Variants in EGFLAM observed in about 807,000 individuals in gnomAD.
EGFLAM encodes the protein EGF like, fibronectin type III and laminin G domains.
In EGFLAM, 79 loss-of-function variants were observed where a neutral mutation model predicts 113.1. The observed-to-expected ratio is 0.70, with a 90% CI of 0.58 to 0.84. The LOEUF (loss-of-function observed/expected upper bound fraction) is 0.84. Among genes scored for constraint, EGFLAM ranks in the 40% least tolerant of loss-of-function variants. The probability of loss-of-function intolerance (pLI) is 0.00; values close to 1 mark genes in which losing one functional copy is unlikely to be tolerated. For missense variants in EGFLAM, 1,265 were observed against 1,291.6 expected (o/e 0.98, Z 0.32); for synonymous variants, 504 against 487.6 (o/e 1.03, Z -0.44).
chr5:38,324,140 C>T (rs1335295399), intron 1 of EGFLAM, among the ~76,000 whole-genome samples: 1 of 151,630 alleles, frequency 6.6e-6, no homozygotes, highest in Admixed American at 6.6e-5. Flanking sequence ...TGGGTGGTTT[C>T]CCTCTTATGT....
At chr5:38,321,316 C>T (rs139380374) in intron 1 of EGFLAM, among the ~76,000 whole-genome samples, 1 of 152,170 alleles carries the variant, frequency 6.6e-6, no homozygotes, top group African/African-American at 2.4e-5. Flanking sequence ...AGGCGGAACT[C>T]AGGCAGTAAT....
chr5:38,354,467 G>A (rs1036820043), intron 5 of EGFLAM, among the ~76,000 whole-genome samples: 1 of 152,166 alleles, frequency 6.6e-6, no homozygotes, highest in Non-Finnish European at 1.5e-5. Flanking sequence ...GGTGGCTCAC[G>A]CCTGTAATCC....
intron 6 of EGFLAM, among the ~76,000 whole-genome samples, chr5:38,401,567 C>T (rs989718539): frequency 2.2e-4 from 33 of 152,054 alleles, no homozygotes; most frequent in Non-Finnish European, 4.0e-4. Context: ...TGGCAGTTTT[C>T]GGGGTCTTTG....
At chr5:38,298,261 G>A (rs1010498576) in intron 1 of EGFLAM, among the ~76,000 whole-genome samples, 1 of 152,224 alleles carries the variant, frequency 6.6e-6, no homozygotes, top group East Asian at 1.9e-4. Context: ...GGCTTTAATA[G>A]ACTATAATTC....
chr5:38,367,718 C>G (rs1345016961), intron 5 of EGFLAM, among the ~76,000 whole-genome samples: 1 of 152,166 alleles, frequency 6.6e-6, no homozygotes, highest in African/African-American at 2.4e-5. Context: ...AAAAAAGATA[C>G]AGGTGTTTTG....
intron 1 of EGFLAM, among the ~76,000 whole-genome samples, chr5:38,309,684 A>C (rs576849196): frequency 2.0e-5 from 3 of 152,192 alleles, no homozygotes; most frequent in Non-Finnish European, 4.4e-5. Context: ...TTTGTACCGT[A>C]AAGCATACAT....
intron 17 of EGFLAM, among the ~76,000 whole-genome samples, chr5:38,440,767 C>T: frequency 6.6e-6 from 1 of 152,152 alleles, no homozygotes; most frequent in African/African-American, 2.4e-5. Flanking sequence ...TTAAACCAGT[C>T]CTTTTACATG....
chr5:38,308,162 G>C (rs1279758514), intron 1 of EGFLAM, among the ~76,000 whole-genome samples: 1 of 152,194 alleles, frequency 6.6e-6, no homozygotes, highest in Non-Finnish European at 1.5e-5. Context: ...TCTCACAATT[G>C]CTAAATAAAA....
At chr5:38,300,300 C>A (rs946523462) in intron 1 of EGFLAM, among the ~76,000 whole-genome samples, 13 of 152,152 alleles carry the variant, frequency 8.5e-5, no homozygotes, top group Non-Finnish European at 8.8e-5. Flanking sequence ...AAATGAGGAG[C>A]CACTGCTGGT....
chr5:38,455,826 A>G (rs1019342771), intron 19 of EGFLAM, among the ~76,000 whole-genome samples: 2 of 152,166 alleles, frequency 1.3e-5, no homozygotes, highest in Non-Finnish European at 2.9e-5. Context: ...GCAGAACAGA[A>G]GGAAGGGCAC....
At chr5:38,353,591 C>T (rs1739685895) in intron 5 of EGFLAM, among the ~76,000 whole-genome samples, 1 of 152,210 alleles carries the variant, frequency 6.6e-6, no homozygotes, top group African/African-American at 2.4e-5. Flanking sequence ...TGCACAGAAT[C>T]TCTTTAATGC....
Position 38,412,646 on chromosome 5 carries a change from C to A in EGFLAM, c.1492C>A (p.Gln498Lys). 6.2e-7 allele frequency: 1 copy of A among 1,613,778 alleles called. No homozygotes were observed. The highest frequency in any genetic ancestry group is 8.5e-7 in the Non-Finnish European group (1 of 1,179,984). The change falls in exon 11 of 22, where the codon CAG becomes AAG. Residue 498 changes from glutamine to lysine, a missense_variant and splice_region_variant. By Grantham distance (53) the Gln-to-Lys change is moderately conservative (BLOSUM62 1). Coordinates refer to ENST00000322350, the MANE Select transcript of EGFLAM (RefSeq NM_152403.4). ...TGGCACCCCAGTGACAGGCCAGTCT[C>A]AGGTATGTATGAGCCCCACACCCTG... ...NNGTPVTGQSQGQYSKITFRT... is the reference protein window; with the variant it reads ...NNGTPVTGQSKGQYSKITFRT...
chr5:38,422,862 T>C (rs904426466), intron 12 of EGFLAM, among the ~76,000 whole-genome samples: 9 of 152,268 alleles, frequency 5.9e-5, no homozygotes, highest in South Asian at 2.1e-4. Flanking sequence ...CTAGGGAAGA[T>C]ACAGATGCAA....
At chr5:38,328,286 G>A (rs868300758) in intron 1 of EGFLAM, among the ~76,000 whole-genome samples, 5 of 152,154 alleles carry the variant, frequency 3.3e-5, no homozygotes, top group South Asian at 2.1e-4. Flanking sequence ...TCACTATCAC[G>A]AGAACAACAA....
Position 38,352,263 on chromosome 5 carries a change from C to T in EGFLAM, c.477C>T (p.Ala159=). 2 of 1,614,076 alleles carry T rather than the reference C, an allele frequency of 1.2e-6. No individual in the cohort carries two copies. Among genetic ancestry groups the T allele is most frequent in the Non-Finnish European group, 1.7e-6 (2 of 1,180,006 alleles). Residue 159 remains alanine (A), a synonymous_variant, in exon 5 of 22, where the codon GCC becomes GCT. Coordinates refer to ENST00000322350, the MANE Select transcript of EGFLAM (RefSeq NM_152403.4). ...TTGTGGTTTCGGATTCTGAGGTGGC[C>T]CTGTCTTGGAAACCTGGAGCGAGTG... ...HVIVVSDSEV[A]LSWKPGASEG...
chr5:38,406,924 A>T lies in EGFLAM; in HGVS notation c.925A>T (p.Ile309Phe). Reference sequence around the variant, plus strand: ...TAACCCAAAGACCATTTCTAGGCTCATCCCCCCTACCTCAGCATCTCTCCC... The same window carrying T: ...TAACCCAAAGACCATTTCTAGGCTCTTCCCCCCTACCTCAGCATCTCTCCC... ...ISNPKTISRL[I>F]PPTSASLPVT... is the part of the protein sequence containing the mutation. The change falls in exon 8 of 22, where the codon ATC (isoleucine) becomes TTC (phenylalanine). Residue 309 changes from isoleucine to phenylalanine, a missense_variant. Ile to Phe is a conservative substitution (Grantham distance 21). Transcript: ENST00000322350. The T allele has an allele frequency of 6.2e-7, 1 of 1,614,186 alleles. No homozygotes were observed. Among genetic ancestry groups the T allele is most frequent in the Non-Finnish European group, 8.5e-7 (1 of 1,180,034 alleles).
chr5:38,385,865 T>G (rs1740646241), intron 6 of EGFLAM, among the ~76,000 whole-genome samples: 1 of 152,236 alleles, frequency 6.6e-6, no homozygotes, highest in Non-Finnish European at 1.5e-5. Flanking sequence ...ATTTCCTTGT[T>G]GTGCGAACAT....
At chr5:38,261,987 A>G (rs2111679633) in intron 1 of EGFLAM, among the ~76,000 whole-genome samples, 1 of 152,318 alleles carries the variant, frequency 6.6e-6, no homozygotes, top group South Asian at 2.1e-4. Flanking sequence ...CACGGTGTGG[A>G]CACACCACTC....
At chr5:38,420,823 C>CT (rs1412174308) in intron 12 of EGFLAM, among the ~76,000 whole-genome samples, 9 of 152,330 alleles carry the variant, frequency 5.9e-5, no homozygotes, top group African/African-American at 1.9e-4. Context: ...GCGATACCCA[C>CT]TTTTCCAGCA....
Sources: allele counts gnomAD v4.1 joint callset (sites outside exome capture counted in the v4.1 genomes callset), GRCh38; gene constraint gnomAD v4.1.1; transcripts MANE v1.5; gene names NCBI Gene and HGNC (gene_info 2026-07-23, HGNC 2026-07-21).